The following POLR2B variants were observed in gnomAD, a reference collection of about 807,000 sequenced individuals.
The protein encoded by POLR2B is DNA-directed RNA polymerase II subunit RPB2.
In POLR2B, 57 loss-of-function variants were observed where a neutral mutation model predicts 144.6. The ratio of observed to expected loss-of-function variants is 0.39; its 90% CI spans 0.32 to 0.49. The LOEUF (loss-of-function observed/expected upper bound fraction) is 0.49. POLR2B is among the 20% of genes least tolerant of loss of function. The probability of loss-of-function intolerance (pLI) is 0.83; values close to 1 mark genes in which losing one functional copy is unlikely to be tolerated. For missense variants in POLR2B, 595 were observed against 1,467.4 expected, an observed-to-expected ratio of 0.41 and a Z score of 9.71; for synonymous variants, 442 against 469.8, an observed-to-expected ratio of 0.94 and a Z score of 0.77.
chr4:57,023,344 A>G lies in POLR2B; in HGVS notation c.2530A>G (p.Ile844Val), dbSNP rs1723612407. ...RETCQGMRHA[I>V]YDKLDDDGLI... ...TTTCCTCACAGGCATGAGGCATGCC[A>G]TTTACGACAAGCTGGATGATGATGG... The change falls in exon 19 of 25, where the codon ATT becomes GTT. Residue 844 changes from isoleucine (I) to valine (V), a missense_variant. Transcript: ENST00000314595. The surrounding 1 kb of genome is among the most constrained non-coding windows in gnomAD (Gnocchi z 4.3). 6.2e-7 allele frequency: 1 copy of G among 1,614,014 alleles called. No homozygotes were observed.
chr4:57,009,604 G>A (rs1723126762), intron 10 of POLR2B: 1 of 152,136 alleles, frequency 6.6e-6, no homozygotes, highest in African/African-American at 2.4e-5. Context: ...GAGGGGCTAG[G>A]TTTTTTAGAA....
In POLR2B at chr4:57,007,021, A is replaced by G. The variant is rs749900471; in HGVS notation, c.1404+19A>G. 9.7e-6 allele frequency: 15 copies of G among 1,551,864 alleles called. No homozygotes were observed. The highest frequency in any genetic ancestry group is 1.3e-5 in the Non-Finnish European group (15 of 1,128,128). The stretch of plus-strand genomic sequence containing the variant: ...ATCTCAGGTAAGTGTGCCAACTATG[A>G]CTACAGGCTCAATAGGAAACATGTT... On this transcript the variant is annotated intron_variant, in intron 10 of 24. Coordinates refer to ENST00000314595, the MANE Select transcript of POLR2B (RefSeq NM_000938.3).
intron 17 of POLR2B, 31 bp downstream of exon 17, chr4:57,021,026 G>T (rs749050037): frequency 5.7e-5 from 66 of 1,157,046 alleles, no homozygotes; most frequent in Non-Finnish European, 7.8e-5. Flanking sequence ...TCAAAACACA[G>T]ATACAGTGGA....
chr4:57,020,134 A>G (rs1723494309), intron 16 of POLR2B, among the ~76,000 whole-genome samples: 1 of 152,108 alleles, frequency 6.6e-6, no homozygotes, highest in Admixed American at 6.6e-5. Context: ...CCTGGGTTTA[A>G]GCGATTCTTC....
At chr4:57,030,494 C>A in intron 24 of POLR2B, 95 bp downstream of exon 24, 1 of 815,916 alleles carries the variant, frequency 1.2e-6, no homozygotes, top group Non-Finnish European at 1.9e-6. Flanking sequence ...AACAGATTGG[C>A]ATTTTCACAA....
At chr4:57,013,326 G>C (rs564826089) in intron 13 of POLR2B, among the ~76,000 whole-genome samples, 6 of 152,230 alleles carry the variant, frequency 3.9e-5, no homozygotes, top group Middle Eastern at 3.4e-3. Context: ...GTCAGGAAGA[G>C]AGTGATTCAC....
At position 57,023,973 on chromosome 4, in the gene POLR2B, C is replaced by A; in HGVS notation, c.2857-32C>A. The A allele has an allele frequency of 2.5e-6, 3 of 1,224,474 alleles. No individual in the cohort carries two copies. The highest frequency in any genetic ancestry group is 1.4e-5 in the South Asian group (1 of 73,048). 75.9% of individuals were successfully genotyped at this position (1,224,474 alleles called of 1,614,324 possible). A position where few individuals can be genotyped will look rare whatever the true frequency, so the allele number is the denominator to read the frequency against. ...GTCAGTTCTAGTTTAGTATATGTAT[C>A]TTTGAGTCCCTTTTAAAATTTTTCT... On this transcript the variant is annotated intron_variant, in intron 20 of 24. Coordinates refer to ENST00000314595, the MANE Select transcript of POLR2B (RefSeq NM_000938.3). The surrounding 1 kb of genome is among the most constrained non-coding windows in gnomAD (Gnocchi z 4.3).
At chr4:56,987,704 A>C (rs888254859) in intron 2 of POLR2B, among the ~76,000 whole-genome samples, 1 of 151,750 alleles carries the variant, frequency 6.6e-6, no homozygotes, top group African/African-American at 2.4e-5. Context: ...AACATAGTGA[A>C]GCTCCGTCTT....
At chr4:56,986,161 A>G in intron 1 of POLR2B, 193 bp from the exon 2 acceptor site, 1 of 592,658 alleles carries the variant, frequency 1.7e-6, no homozygotes, top group Non-Finnish European at 3.0e-6. Flanking sequence ...ACCTCTTTTT[A>G]TATTGGAAGA....
chr4:56,978,897 C>T lies in POLR2B; in HGVS notation c.-89C>T. The T allele has an allele frequency of 2.4e-6, 3 of 1,276,568 alleles. No individual in the cohort carries two copies. The highest frequency in any genetic ancestry group is 2.3e-5 in the East Asian group (1 of 43,326). The allele number at this position is 1,276,568 out of a possible 1,614,324, so 79.1% of individuals were successfully genotyped here. On this transcript the variant is annotated 5_prime_UTR_variant, in exon 1 of 25. Coordinates refer to ENST00000314595, the MANE Select transcript of POLR2B (RefSeq NM_000938.3). ...CTGGGAACGTCGGAGACGGAAGTTA[C>T]TTCGTCTTTAGCTCCTGGCGCTGCT...
intron 7 of POLR2B, among the ~76,000 whole-genome samples, chr4:57,004,335 C>T (rs1236561906): frequency 1.4e-5 from 2 of 145,834 alleles, no homozygotes; most frequent in Non-Finnish European, 3.0e-5. Context: ...AGGCATGAGC[C>T]TCCATTCCCA....
chr4:56,998,134 A>C (rs555907088), intron 6 of POLR2B, among the ~76,000 whole-genome samples: 1 of 152,300 alleles, frequency 6.6e-6, no homozygotes, highest in Admixed American at 6.5e-5. Context: ...GTGAACTTCG[A>C]GTAACTGATT....
rs1004299897 is a variant in POLR2B at position 57,025,439 on chromosome 4, T to C, written c.3141T>C (p.Tyr1047=). The C allele has an allele frequency of 6.2e-7, 1 of 1,612,636 alleles. No homozygotes were observed. ...CACAAATATTTATTGGCCCCACTTA[T>C]TACCAGCGTTTGAAGCATATGGTGG... The part of the protein sequence containing the change: ...ITSQIFIGPT[Y]YQRLKHMVDD... Residue 1047 remains tyrosine (Y), a synonymous_variant, in exon 23 of 25, where the codon TAT becomes TAC. Transcript: ENST00000314595.
chr4:56,986,829 A>G (rs1411031650), intron 2 of POLR2B: 1 of 155,360 alleles, frequency 6.4e-6, no homozygotes, highest in African/African-American at 2.4e-5. Flanking sequence ...ACATAAGAAC[A>G]TTCTTTTACA....
chr4:56,994,081 C>T (rs190931835), intron 3 of POLR2B, among the ~76,000 whole-genome samples: 1 of 152,266 alleles, frequency 6.6e-6, no homozygotes, highest in African/African-American at 2.4e-5. Flanking sequence ...GCAGATCCTT[C>T]TGTAGTTGAT....
rs568113673 is a variant in POLR2B, at chr4:57,002,086, G to C, written c.900+2305G>C. On this transcript the variant is annotated intron_variant, in intron 7 of 24. Transcript: ENST00000314595. ...TCTGTCACCCAGGCTGGAGTGCAGT[G>C]GTGAAATTACAGCTCACTGCAACCT... Among the ~76,000 whole-genome samples the C allele has an allele frequency of 2.0e-5, 3 of 152,278 alleles. No individual in the cohort carries two copies. In the South Asian group the frequency reaches 6.2e-4, roughly 32 times the overall value.
intron 7 of POLR2B, among the ~76,000 whole-genome samples, chr4:57,000,169 T>G (rs998909119): frequency 4.6e-5 from 7 of 152,236 alleles, no homozygotes; most frequent in South Asian, 2.1e-4. Flanking sequence ...GTCATGGTGA[T>G]TCACGCCTAT....
At chr4:57,019,564 C>T (rs1277410162) in intron 16 of POLR2B, among the ~76,000 whole-genome samples, 2 of 152,072 alleles carry the variant, frequency 1.3e-5, no homozygotes, top group Non-Finnish European at 2.9e-5. Flanking sequence ...ATTATTCTCT[C>T]CCTTTTTATT....
chr4:57,027,102 G>A (rs1190401809), intron 23 of POLR2B, among the ~76,000 whole-genome samples: 1 of 151,814 alleles, frequency 6.6e-6, no homozygotes, highest in Non-Finnish European at 1.5e-5. Context: ...TCCGCCTCCC[G>A]GATTCAAGCA....
Sources: gnomAD v4.1 joint callset for allele counts (sites outside exome capture counted in the v4.1 genomes callset) on GRCh38, gnomAD v4.1.1 for gene constraint, Gnocchi (gnomAD v3.1) non-coding constraint, MANE v1.5 for transcripts, NCBI Gene and HGNC (gene_info 2026-07-23, HGNC 2026-07-21) for gene names.